RBFOX1: variants seen among roughly 807,000 people sequenced by gnomAD.
The protein encoded by RBFOX1 is RNA binding protein fox-1 homolog 1.
Under a neutral mutation model 57.7 loss-of-function variants are expected in RBFOX1, and 8 were observed. The observed-to-expected ratio is 0.14, with a 90% CI of 0.08 to 0.25. The LOEUF (loss-of-function observed/expected upper bound fraction) is 0.25. Among genes scored for constraint, RBFOX1 ranks in the 10% least tolerant of loss-of-function variants. The pLI, the probability that RBFOX1 is intolerant of heterozygous loss-of-function variation, is 1.00. For synonymous variants in RBFOX1, 326 were observed against 222.4 expected, an observed-to-expected ratio of 1.47 and a Z score of -4.15; for missense variants, 611 against 548.5, an observed-to-expected ratio of 1.11 and a Z score of -1.14.
At chr16:6,272,323 T>C (rs535170132) in intron 1 of RBFOX1, among the ~76,000 whole-genome samples, 1 of 152,298 alleles carries the variant, frequency 6.6e-6, no homozygotes, top group South Asian at 2.1e-4. Flanking sequence ...ACCAAACACC[T>C]ACAGCTGACA....
At chr16:6,917,939 T>A (rs1428440218) in intron 3 of RBFOX1, among the ~76,000 whole-genome samples, 3 of 152,140 alleles carry the variant, frequency 2.0e-5, no homozygotes, top group African/African-American at 7.2e-5. Context: ...GTGTTCTTAC[T>A]CAACCTAAGT....
rs190388933 is a variant in RBFOX1 at position 5,250,669 on chromosome 16, C to T, written c.219+10564C>T. 1.4e-3 allele frequency among the ~76,000 whole-genome samples: 212 copies of T among 151,582 alleles called. 1 individual carries two copies. Among genetic ancestry groups the T allele is most frequent in the African/African-American group, 4.9e-3 (201 of 41,318 alleles). ...TTCGGAAAGCCTGCTTTTCAGGCAG[C>T]GTGTCTTTGACATTGTCTCACGTTG... On this transcript the variant is annotated intron_variant, in intron 1 of 2. Coordinates refer to the RBFOX1 transcript ENST00000585867.
At chr16:7,165,403 T>TAATAATAATAATAATAAC (rs1435836080) in intron 4 of RBFOX1, among the ~76,000 whole-genome samples, 1 of 147,364 alleles carries the variant, frequency 6.8e-6, no homozygotes, top group Non-Finnish European at 1.5e-5. Context: ...ATAATAATAA[T>TAATAATAATAATAATAAC]AATAATGATA....
At chr16:5,268,566 G>T (rs1376115189) in intron 1 of RBFOX1, among the ~76,000 whole-genome samples, 2 of 152,216 alleles carry the variant, frequency 1.3e-5, no homozygotes, top group Non-Finnish European at 2.9e-5. Context: ...CTCCACGATT[G>T]GAGCAGAGGG....
intron 1 of RBFOX1, among the ~76,000 whole-genome samples, chr16:6,226,093 C>T (rs908785642): frequency 6.6e-6 from 1 of 151,652 alleles, no homozygotes; most frequent in Admixed American, 6.6e-5. Flanking sequence ...GGTGCAGTGG[C>T]TCATGCCTGT....
At chr16:5,897,552 C>G (rs112305788) in intron 4 of RBFOX1, among the ~76,000 whole-genome samples, 1 of 152,130 alleles carries the variant, frequency 6.6e-6, no homozygotes, top group Admixed American at 6.5e-5. Flanking sequence ...TGATGACCCC[C>G]GGGGTTTGCT....
intron 4 of RBFOX1, among the ~76,000 whole-genome samples, chr16:7,155,712 A>AT (rs1555516461): frequency 5.7e-4 from 44 of 77,378 alleles, no homozygotes; most frequent in Non-Finnish European, 8.5e-4. Context: ...AAAAAAAAAA[A>AT]ATATATATAT....
chr16:7,484,348 C>T (rs149228446), intron 4 of RBFOX1, among the ~76,000 whole-genome samples: 1 of 152,180 alleles, frequency 6.6e-6, no homozygotes, highest in African/African-American at 2.4e-5. Flanking sequence ...ATAAATCCTT[C>T]AAAGTAGAAA....
chr16:6,674,972 C>T (rs1305593888), intron 3 of RBFOX1, among the ~76,000 whole-genome samples: 1 of 152,120 alleles, frequency 6.6e-6, no homozygotes, highest in Non-Finnish European at 1.5e-5. Flanking sequence ...GTGGCATGAT[C>T]TTGGCTCACT....
At chr16:6,836,912 C>G (rs1001412791) in intron 3 of RBFOX1, among the ~76,000 whole-genome samples, 2 of 152,112 alleles carry the variant, frequency 1.3e-5, no homozygotes, top group Non-Finnish European at 2.9e-5. Context: ...CGTTGCCAAG[C>G]AAAGAGTGTG....
At chr16:7,240,654 A>C (rs1285892842) in intron 4 of RBFOX1, among the ~76,000 whole-genome samples, 1 of 152,112 alleles carries the variant, frequency 6.6e-6, no homozygotes, top group Non-Finnish European at 1.5e-5. Flanking sequence ...TTCTGGGCTC[A>C]AGTGATCCTC....
chr16:5,608,199 C>T (rs532861597), intron 3 of RBFOX1, among the ~76,000 whole-genome samples: 25 of 152,250 alleles, frequency 1.6e-4, no homozygotes, highest in Non-Finnish European at 2.4e-4. Context: ...CATAACACCC[C>T]GGGGGCAAGT....
intron 3 of RBFOX1, among the ~76,000 whole-genome samples, chr16:6,865,227 T>C (rs2059718024): frequency 6.6e-6 from 1 of 151,914 alleles, no homozygotes; most frequent in Non-Finnish European, 1.5e-5. Context: ...GGTCTCGAAC[T>C]CCTGACCTCA....
At chr16:5,792,136 G>A (rs891772081) in intron 3 of RBFOX1, among the ~76,000 whole-genome samples, 4 of 152,138 alleles carry the variant, frequency 2.6e-5, no homozygotes, top group Non-Finnish European at 4.4e-5. Context: ...TTTAAAGCCC[G>A]GGACCCCAGT....
intron 2 of RBFOX1, among the ~76,000 whole-genome samples, chr16:6,371,501 G>T (rs1411194248): frequency 6.6e-6 from 1 of 152,094 alleles, no homozygotes. Flanking sequence ...GCCCCTTCAA[G>T]CTGGCTCCTG....
Position 5,636,639 on chromosome 16 carries a change from T to G in RBFOX1, c.318+37678T>G, listed in dbSNP as rs12927095. ...CACATAGCAGCTTGACAGCCAACTT[T>G]CGTACTCGTAGGAATATGAATCTAG... On this transcript the variant is annotated intron_variant, in intron 3 of 19. Coordinates refer to the RBFOX1 transcript ENST00000641259. Among the ~76,000 whole-genome samples the G allele has an allele frequency of 4.6e-5, 7 of 152,196 alleles. No homozygotes were observed. In the East Asian group the frequency reaches 1.2e-3, roughly 25 times the overall value.
intron 4 of RBFOX1, among the ~76,000 whole-genome samples, chr16:7,487,635 A>C (rs142872723): frequency 2.6e-5 from 4 of 152,154 alleles, no homozygotes; most frequent in Non-Finnish European, 5.9e-5. Context: ...CTGTTCATAT[A>C]CATATAGAAA....
At chr16:7,112,499 G>T (rs1056498985) in intron 4 of RBFOX1, among the ~76,000 whole-genome samples, 9 of 151,778 alleles carry the variant, frequency 5.9e-5, no homozygotes, top group African/African-American at 2.2e-4. Flanking sequence ...GAGCCACCGT[G>T]CCCAGCCTAA....
intron 11 of RBFOX1, among the ~76,000 whole-genome samples, chr16:7,644,143 A>G (rs1399821273): frequency 6.6e-6 from 1 of 152,152 alleles, no homozygotes; most frequent in East Asian, 1.9e-4. Context: ...TGCATGATGG[A>G]TAAAATCATA....
Sources: gnomAD v4.1 joint callset for allele counts (sites outside exome capture counted in the v4.1 genomes callset) on GRCh38, gnomAD v4.1.1 for gene constraint, MANE v1.5 for transcripts, NCBI Gene and HGNC (gene_info 2026-07-23, HGNC 2026-07-21) for gene names.